The following PRIM2 variants were observed in gnomAD, a reference collection of about 807,000 sequenced individuals.
The protein encoded by PRIM2 is DNA primase large subunit.
PRIM2 carries 39 observed loss-of-function variants against 67.3 expected under a neutral mutation model. That is an observed-to-expected ratio of 0.58 (90% CI 0.45 to 0.76). The LOEUF is 0.76. PRIM2 is among the 30% of genes least tolerant of loss of function. The pLI is 0.00. For synonymous variants in PRIM2, 143 were observed against 198.7 expected (o/e 0.72, Z 2.36); for missense variants, 398 against 598.7 (o/e 0.66, Z 3.50).
intron 12 of PRIM2, among the ~76,000 whole-genome samples, chr6:57,618,082 G>T (rs1404433099): frequency 4.6e-5 from 7 of 152,120 alleles, no homozygotes; most frequent in Non-Finnish European, 1.0e-4. Flanking sequence ...AATTTCTACT[G>T]TACTGGTCTA....
intron 7 of PRIM2, among the ~76,000 whole-genome samples, chr6:57,480,584 T>C (rs1773596749): frequency 4.6e-5 from 7 of 152,146 alleles, no homozygotes. Context: ...ACTCCCCACC[T>C]CCTATGCTTG....
chr6:57,592,803 A>G (rs1228191988), intron 10 of PRIM2, among the ~76,000 whole-genome samples: 1 of 152,032 alleles, frequency 6.6e-6, no homozygotes, highest in Non-Finnish European at 1.5e-5. Flanking sequence ...AAAAAAAAAA[A>G]ATAGGAGTAA....
chr6:57,390,350 G>A (rs1055635621), intron 7 of PRIM2: 11 of 152,606 alleles, frequency 7.2e-5, no homozygotes, highest in African/African-American at 2.4e-4. Context: ...CTTTTTCTAA[G>A]ATGCAGTTTA....
At chr6:57,613,277 G>A (rs1258590408) in intron 12 of PRIM2, among the ~76,000 whole-genome samples, 2 of 152,264 alleles carry the variant, frequency 1.3e-5, no homozygotes, top group East Asian at 3.9e-4. Context: ...TAAAGTAATT[G>A]CCTCTTGGGA....
intron 10 of PRIM2, among the ~76,000 whole-genome samples, chr6:57,586,241 T>G (rs1270037437): frequency 2.6e-5 from 4 of 152,170 alleles, no homozygotes; most frequent in Non-Finnish European, 5.9e-5. Flanking sequence ...TAAGAATCAT[T>G]GAGCGCTAGC....
At chr6:57,225,384 G>A in the PRIM2 span, among the ~76,000 whole-genome samples, 1 of 152,168 alleles carries the variant, frequency 6.6e-6, no homozygotes. Flanking sequence ...GGACACAGCA[G>A]AGATTCTCAT....
chr6:57,599,694 C>G (rs1390362712), intron 10 of PRIM2, among the ~76,000 whole-genome samples: 102 of 152,348 alleles, frequency 6.7e-4, no homozygotes, highest in African/African-American at 2.4e-3. Context: ...GCACCCACCT[C>G]AGTACCAGCA....
At chr6:57,485,062 T>C (rs1773723188) in intron 7 of PRIM2, among the ~76,000 whole-genome samples, 1 of 152,154 alleles carries the variant, frequency 6.6e-6, no homozygotes. Context: ...TAAGGACAAG[T>C]TACGATGGAG....
At chr6:57,354,064 A>G (rs1235843738) in intron 5 of PRIM2, among the ~76,000 whole-genome samples, 95 of 152,180 alleles carry the variant, frequency 6.2e-4, no homozygotes, top group Non-Finnish European at 1.2e-3. Flanking sequence ...TCGTTTCACA[A>G]AGAAGGTTGA....
At chr6:57,279,618 C>T in the PRIM2 span, among the ~76,000 whole-genome samples, 2 of 152,004 alleles carry the variant, frequency 1.3e-5, no homozygotes, top group African/African-American at 2.4e-5. Context: ...GTGATGGCGG[C>T]GCTACAGGAG....
At chr6:57,305,244 A>C in the PRIM2 span, among the ~76,000 whole-genome samples, 1 of 152,224 alleles carries the variant, frequency 6.6e-6, no homozygotes. Context: ...AGGAATTTCA[A>C]TGGGAAAGCC....
intron 7 of PRIM2, 196 bp downstream of exon 7, chr6:57,382,364 A>C (rs1043129330): frequency 3.4e-5 from 19 of 565,126 alleles, no homozygotes; most frequent in African/African-American, 3.3e-4. Flanking sequence ...TTGGTTTTTA[A>C]GTTTTTTTTC....
the PRIM2 span, among the ~76,000 whole-genome samples, chr6:57,253,765 T>C: frequency 6.6e-6 from 1 of 152,332 alleles, no homozygotes; most frequent in East Asian, 1.9e-4. Context: ...AGGCTTAGGA[T>C]AGGAGGAGAA....
At chr6:57,470,943 A>G (rs1187120506) in intron 7 of PRIM2, among the ~76,000 whole-genome samples, 1 of 152,232 alleles carries the variant, frequency 6.6e-6, no homozygotes, top group African/African-American at 2.4e-5. Flanking sequence ...TCCGAATAGT[A>G]GATTATAAGG....
chr6:57,249,858 G>A, the PRIM2 span, among the ~76,000 whole-genome samples: 2 of 152,206 alleles, frequency 1.3e-5, no homozygotes, highest in African/African-American at 4.8e-5. Context: ...TAGACCTGAG[G>A]GAAGAATTTA....
the PRIM2 span, among the ~76,000 whole-genome samples, chr6:57,246,918 G>A: frequency 4.6e-5 from 7 of 150,848 alleles, no homozygotes; most frequent in Non-Finnish European, 8.8e-5. Flanking sequence ...GCGGTGGCGC[G>A]ATCTCAGCTC....
chr6:57,454,970 A>AT, intron 7 of PRIM2, among the ~76,000 whole-genome samples: 1 of 152,008 alleles, frequency 6.6e-6, no homozygotes, highest in Non-Finnish European at 1.5e-5. Flanking sequence ...TGTCCCAGAG[A>AT]TTCTGGTATG....
intron 7 of PRIM2, among the ~76,000 whole-genome samples, chr6:57,453,183 C>G (rs1307177498): frequency 6.6e-6 from 1 of 152,156 alleles, no homozygotes; most frequent in Non-Finnish European, 1.5e-5. Context: ...GTTTTGGTTA[C>G]TGTAGCCTTG....
chr6:57,269,811 G>C, the PRIM2 span, among the ~76,000 whole-genome samples: 1 of 152,094 alleles, frequency 6.6e-6, no homozygotes, highest in Non-Finnish European at 1.5e-5. Context: ...TTTTGTATAA[G>C]ATGTAAGGAA....
Sources: allele counts gnomAD v4.1 joint callset (sites outside exome capture counted in the v4.1 genomes callset), GRCh38; gene constraint gnomAD v4.1.1; transcripts MANE v1.5; gene names NCBI Gene and HGNC (gene_info 2026-07-23, HGNC 2026-07-21).